FCHSD2: variants seen among roughly 807,000 people sequenced by gnomAD.
The protein encoded by FCHSD2 is F-BAR and double SH3 domains protein 2.
Under a neutral mutation model 108.1 loss-of-function variants are expected in FCHSD2, and 38 were observed. That is an observed-to-expected ratio of 0.35 (90% CI 0.27 to 0.46). FCHSD2 has a LOEUF of 0.46. Among genes scored for constraint, FCHSD2 ranks in the 20% least tolerant of loss-of-function variants. The pLI is 1.00. For synonymous variants in FCHSD2, 279 were observed against 314.7 expected, an observed-to-expected ratio of 0.89 and a Z score of 1.20; for missense variants, 751 against 897.8, an observed-to-expected ratio of 0.84 and a Z score of 2.09.
At chr11:73,098,262 T>C (rs1860137307) in intron 2 of FCHSD2, among the ~76,000 whole-genome samples, 1 of 152,168 alleles carries the variant, frequency 6.6e-6, no homozygotes, top group African/African-American at 2.4e-5. Context: ...TTTGTTCTCA[T>C]TTGTCTCAAA....
At chr11:73,113,353 CTTTTTTTTT>C (rs35979371) in intron 2 of FCHSD2, among the ~76,000 whole-genome samples, 1 of 29,912 alleles carries the variant, frequency 3.3e-5, no homozygotes, top group Non-Finnish European at 6.2e-5. Context: ...CCAAGATGGT[CTTTTTTTTT>C]TTTTTTTTTT....
intron 3 of FCHSD2, among the ~76,000 whole-genome samples, chr11:73,074,089 G>GA (rs369948122): frequency 3.2e-4 from 49 of 151,950 alleles, no homozygotes; most frequent in Non-Finnish European, 5.6e-4. Context: ...GTGATATCGG[G>GA]AAAAAAATAT....
chr11:73,032,742 T>C (rs1858391705), intron 3 of FCHSD2, among the ~76,000 whole-genome samples: 1 of 151,844 alleles, frequency 6.6e-6, no homozygotes, highest in Non-Finnish European at 1.5e-5. Flanking sequence ...AAAAAGAGCC[T>C]GTAACGAGAG....
chr11:73,024,507 G>C (rs190068660), intron 3 of FCHSD2, among the ~76,000 whole-genome samples: 177 of 152,242 alleles, frequency 1.2e-3, no homozygotes, highest in African/African-American at 4.1e-3. Context: ...GAGGGTAAAA[G>C]CTCAGTGTTG....
At chr11:73,066,925 C>T (rs564905930) in intron 3 of FCHSD2, among the ~76,000 whole-genome samples, 40 of 152,240 alleles carry the variant, frequency 2.6e-4, no homozygotes, top group Admixed American at 1.9e-3. Context: ...GACAGTGTAG[C>T]GATTCCTCAA....
chr11:72,884,068 G>T (rs1365804537), intron 12 of FCHSD2, among the ~76,000 whole-genome samples: 1 of 151,968 alleles, frequency 6.6e-6, no homozygotes, highest in Non-Finnish European at 1.5e-5. Context: ...GGAAAGATCT[G>T]GTAGCACACC....
intron 12 of FCHSD2, 128 bp downstream of exon 12, chr11:72,887,330 AATACTACTGTGG>A (rs1855218491): frequency 1.1e-5 from 7 of 612,702 alleles, no homozygotes; most frequent in Non-Finnish European, 1.7e-5. Flanking sequence ...GTACTCAACA[AATACTACTGTGG>A]ACACGAATGA....
intron 4 of FCHSD2, among the ~76,000 whole-genome samples, chr11:73,003,488 ATT>A (rs574233006): frequency 7.9e-5 from 11 of 139,262 alleles, no homozygotes; most frequent in African/African-American, 2.7e-5. Flanking sequence ...TCATAGAGTG[ATT>A]TTTTTTTTTT....
At chr11:73,017,210 C>A (rs372934014) in intron 3 of FCHSD2, among the ~76,000 whole-genome samples, 3 of 152,270 alleles carry the variant, frequency 2.0e-5, no homozygotes, top group African/African-American at 7.2e-5. Context: ...AACTCCTGGG[C>A]TCAAGCAAGC....
chr11:73,076,639 C>T (rs926232450), intron 3 of FCHSD2, among the ~76,000 whole-genome samples: 31 of 151,980 alleles, frequency 2.0e-4, no homozygotes, highest in Non-Finnish European at 1.9e-4. Context: ...TGTATGTTTG[C>T]TAAAAATCAT....
intron 3 of FCHSD2, among the ~76,000 whole-genome samples, chr11:73,049,660 T>A (rs1420873261): frequency 7.0e-6 from 1 of 142,304 alleles, no homozygotes; most frequent in East Asian, 2.0e-4. Context: ...AATGTGCACA[T>A]GTACCCTAAA....
At chr11:73,058,944 G>A (rs1049894232) in intron 3 of FCHSD2, among the ~76,000 whole-genome samples, 2 of 152,044 alleles carry the variant, frequency 1.3e-5, no homozygotes, top group Non-Finnish European at 2.9e-5. Flanking sequence ...AATTGCATAT[G>A]AGTTTCCACA....
intron 2 of FCHSD2, among the ~76,000 whole-genome samples, chr11:73,107,435 G>A (rs1454116949): frequency 4.6e-5 from 7 of 152,178 alleles, no homozygotes; most frequent in African/African-American, 1.4e-4. Flanking sequence ...CATGCAATGC[G>A]TAATAATCAC....
chr11:72,953,911 C>CA (rs1364547138), intron 8 of FCHSD2, among the ~76,000 whole-genome samples: 2 of 152,048 alleles, frequency 1.3e-5, no homozygotes, highest in African/African-American at 4.8e-5. Flanking sequence ...AGTAAAAGGC[C>CA]AATATGATTA....
chr11:72,910,827 T>TAAAAA (rs34549479), intron 9 of FCHSD2, among the ~76,000 whole-genome samples: 1 of 116,624 alleles, frequency 8.6e-6, no homozygotes. Context: ...CAATAAATAC[T>TAAAAA]AAAAAAAAAA....
At chr11:72,901,354 G>A (rs1411483172) in intron 10 of FCHSD2, among the ~76,000 whole-genome samples, 1 of 151,976 alleles carries the variant, frequency 6.6e-6, no homozygotes, top group African/African-American at 2.4e-5. Flanking sequence ...CTGAGATCAC[G>A]CTACTGCCCT....
chr11:73,031,048 G>T (rs1591496115), intron 3 of FCHSD2, among the ~76,000 whole-genome samples: 1 of 152,090 alleles, frequency 6.6e-6, no homozygotes, highest in Admixed American at 6.6e-5. Context: ...GGGAGATCCT[G>T]CTATTTGTCA....
At chr11:73,138,443 T>A (rs910144890) in intron 2 of FCHSD2, among the ~76,000 whole-genome samples, 13 of 151,956 alleles carry the variant, frequency 8.6e-5, no homozygotes, top group Non-Finnish European at 1.3e-4. Flanking sequence ...TGACCACCCA[T>A]ACCCCACACG....
At chr11:72,966,807 C>G (rs1856916011) in intron 8 of FCHSD2, among the ~76,000 whole-genome samples, 1 of 152,026 alleles carries the variant, frequency 6.6e-6, no homozygotes, top group African/African-American at 2.4e-5. Context: ...GGAAAAAAAC[C>G]TGACGCTAGA....
Sources: gnomAD v4.1 joint callset for allele counts (sites outside exome capture counted in the v4.1 genomes callset) on GRCh38, gnomAD v4.1.1 for gene constraint, MANE v1.5 for transcripts, NCBI Gene and HGNC (gene_info 2026-07-23, HGNC 2026-07-21) for gene names.